The following SCAP variants were observed in gnomAD, a reference collection of about 807,000 sequenced individuals.
The protein encoded by SCAP is sterol regulatory element-binding protein cleavage-activating protein.
SCAP carries 65 observed loss-of-function variants against 123.6 expected under a neutral mutation model. The observed-to-expected ratio is 0.53, with a 90% CI of 0.43 to 0.65. The LOEUF (loss-of-function observed/expected upper bound fraction) is 0.65, where lower values mean the gene tolerates loss of function less well. Ranked by LOEUF, SCAP falls within the 30% of genes least tolerant of loss-of-function variation. The pLI is 0.00. For missense variants in SCAP, 1,398 were observed against 1,712.5 expected (o/e 0.82, Z 3.24); for synonymous variants, 740 against 726.3 (o/e 1.02, Z -0.30).
intron 1 of SCAP, among the ~76,000 whole-genome samples, chr3:47,464,254 G>C (rs1352898320): frequency 6.6e-6 from 1 of 152,056 alleles, no homozygotes; most frequent in Non-Finnish European, 1.5e-5. Flanking sequence ...GATCTCAGGT[G>C]ATCCGCCTGC....
Position 47,414,190 on chromosome 3 carries a change from G to A in SCAP, c.3584C>T (p.Ser1195Phe). The change falls in exon 22 of 23, where the codon TCC becomes TTC. Residue 1195 changes from serine to phenylalanine, a missense_variant. This residue lies in a region of SCAP where 130 missense variants were observed against 166.7 expected (regional missense o/e 0.78). Coordinates refer to ENST00000265565, the MANE Select transcript of SCAP (RefSeq NM_012235.4). ...WDRSTGIKFYSIQQDLGCGAS... is the reference protein window; with the variant it reads ...WDRSTGIKFYFIQQDLGCGAS... ...CCCCATCCCCTCTACCTGCTGAATG[G>A]AGTAGAACTTGATGCCTGTGCTGCG... 6.2e-7 allele frequency: 1 copy of A among 1,613,716 alleles called. No individual in the cohort carries two copies. Among genetic ancestry groups the A allele is most frequent in the Non-Finnish European group, 8.5e-7 (1 of 1,180,020 alleles).
chr3:47,465,168 CTT>C (rs796601479), intron 1 of SCAP, among the ~76,000 whole-genome samples: 1 of 145,848 alleles, frequency 6.9e-6, no homozygotes, highest in East Asian at 2.0e-4. Context: ...AGATGATATT[CTT>C]TTTTTTTTTT....
At chr3:47,429,150 C>T (rs1024516140) in intron 3 of SCAP, 3 of 158,264 alleles carry the variant, frequency 1.9e-5, no homozygotes, top group Non-Finnish European at 4.2e-5. Context: ...AAAGCCAGCA[C>T]AGGGAGACAG....
Position 47,423,927 on chromosome 3 carries a change from C to A in SCAP, c.1150+6G>T, listed in dbSNP as rs201879911. ...AGCCCTCTGCCCAACTCTCCCACTGCGTTACCTTGGGCGATCCGCAGCTTC... is the reference window on the plus strand; with the variant it reads ...AGCCCTCTGCCCAACTCTCCCACTGAGTTACCTTGGGCGATCCGCAGCTTC... On this transcript the variant is annotated splice_donor_region_variant and intron_variant, in intron 9 of 22. Coordinates refer to ENST00000265565, the MANE Select transcript of SCAP (RefSeq NM_012235.4). 4.4e-4 allele frequency: 715 copies of A among 1,607,388 alleles called. 2 individuals carry two copies. The Middle Eastern group carries it at 0.015, about 34-fold the overall frequency.
In SCAP at chr3:47,419,395, A is replaced by C. The variant is rs2107781083; in HGVS notation, c.1873T>G (p.Trp625Gly). 2 of 1,610,612 alleles carry C rather than the reference A, an allele frequency of 1.2e-6. No individual in the cohort carries two copies. Among genetic ancestry groups the C allele is most frequent in the Non-Finnish European group, 1.7e-6 (2 of 1,178,858 alleles). The change falls in exon 13 of 23, where the codon TGG becomes GGG. Residue 625 changes from tryptophan (W) to glycine (G), a missense_variant. Transcript: ENST00000265565. The surrounding 1 kb of genome is among the most constrained non-coding windows in gnomAD (Gnocchi z 5.0). ...CAGTGGCGGAAGGACAATTTCCTCCAAAGTTCCTCATCCTCAGGCCCCCAG... is the reference window on the plus strand; with the variant it reads ...CAGTGGCGGAAGGACAATTTCCTCCCAAGTTCCTCATCCTCAGGCCCCCAG... ...VTWGPEDEEL[W>G]RKLSFRHWPT...
intron 1 of SCAP, among the ~76,000 whole-genome samples, chr3:47,457,764 G>T (rs1281469820): frequency 6.6e-6 from 1 of 151,744 alleles, no homozygotes; most frequent in African/African-American, 2.4e-5. Flanking sequence ...AAAATTAGCT[G>T]GGCCTGGTGG....
chr3:47,425,197 T>A (rs1042044439), intron 8 of SCAP: 1 of 370,236 alleles, frequency 2.7e-6, no homozygotes, highest in Non-Finnish European at 4.9e-6. Flanking sequence ...TACATACTCA[T>A]GTATACACAA....
rs184024978 is a variant in SCAP, at chr3:47,464,584, A to G, written c.-99+11215T>C. On this transcript the variant is annotated intron_variant, in intron 1 of 22. Transcript: ENST00000265565. ...CTTTTTGATTAAAAAATACTCAATGAAATAGGAATAGAAGGCAATATCCTC... is the reference window on the plus strand; with the variant it reads ...CTTTTTGATTAAAAAATACTCAATGGAATAGGAATAGAAGGCAATATCCTC... 3.7e-4 allele frequency among the ~76,000 whole-genome samples: 56 copies of G among 152,328 alleles called. 2 individuals carry two copies. The highest frequency in any genetic ancestry group is 1.2e-3 in the African/African-American group (50 of 41,578).
rs1476904250 is a variant in SCAP at position 47,426,160 on chromosome 3, G to A, written c.747C>T (p.Gly249=). Residue 249 remains glycine (G), a synonymous_variant, in exon 7 of 23, where the codon GGC becomes GGT. Coordinates refer to ENST00000265565, the MANE Select transcript of SCAP (RefSeq NM_012235.4). ...GAAGCATCAGGCGGGCACGCAGGCT[G>A]CCCAGGAACCTGGTCAAGGAGCAGG... The part of the protein sequence containing the change: ...VFQHYHAKFL[G]SLRARLMLLH... 1 of 1,612,960 alleles carries A rather than the reference G, an allele frequency of 6.2e-7. No individual in the cohort carries two copies. Among genetic ancestry groups the A allele is most frequent in the South Asian group, 1.1e-5 (1 of 90,992 alleles).
At chr3:47,463,569 G>A (rs888702571) in intron 1 of SCAP, among the ~76,000 whole-genome samples, 8 of 152,094 alleles carry the variant, frequency 5.3e-5, no homozygotes, top group Non-Finnish European at 1.2e-4. Flanking sequence ...GGGTGTGGTA[G>A]TGCCTGTAAT....
chr3:47,421,559 A>G (rs1705901265), intron 10 of SCAP, among the ~76,000 whole-genome samples: 1 of 152,186 alleles, frequency 6.6e-6, no homozygotes, highest in African/African-American at 2.4e-5. Flanking sequence ...AGCAGACAAA[A>G]TTTTCTGAGA....
In SCAP at chr3:47,425,593, T is replaced by C. The variant is rs1261676038; in HGVS notation, c.929A>G (p.Lys310Arg). 3.7e-6 allele frequency: 6 copies of C among 1,614,104 alleles called. No individual in the cohort carries two copies. Among genetic ancestry groups the C allele is most frequent in the Non-Finnish European group, 5.1e-6 (6 of 1,180,050 alleles). ...AGCCAGGGCCAGCCCCCACTTGGAC[T>C]TGACCATGTCGATCTTCCCTGGAGG... ...YFSTRKIDMV[K>R]SKWGLALAAV... Residue 310 changes from lysine to arginine, a missense_variant, in exon 8 of 23, where the codon AAG (lysine) becomes AGG (arginine). Lys to Arg is a conservative substitution (Grantham distance 26). Coordinates refer to ENST00000265565, the MANE Select transcript of SCAP (RefSeq NM_012235.4).
chr3:47,470,958 T>TCC (rs1171349995), intron 1 of SCAP, among the ~76,000 whole-genome samples: 1 of 151,696 alleles, frequency 6.6e-6, no homozygotes, highest in African/African-American at 2.4e-5. Context: ...AATAAACTTC[T>TCC]CCCCCCAAAA....
At chr3:47,452,133 ACT>A (rs1707249537) in intron 1 of SCAP, among the ~76,000 whole-genome samples, 1 of 151,918 alleles carries the variant, frequency 6.6e-6, no homozygotes, top group East Asian at 1.9e-4. Flanking sequence ...TGCATTTAAA[ACT>A]CTGTAATTGT....
intron 18 of SCAP, 28 bp from the exon 19 acceptor site, chr3:47,415,208 C>CCT: frequency 1.9e-6 from 3 of 1,589,220 alleles, no homozygotes; most frequent in Non-Finnish European, 1.7e-6. Context: ...CTGCCAGGGG[C>CCT]CTCTCCCTTA....
chr3:47,425,870 G>C (rs1706105247), intron 7 of SCAP, 127 bp downstream of exon 7: 2 of 1,117,928 alleles, frequency 1.8e-6, no homozygotes, highest in Admixed American at 4.6e-5. Flanking sequence ...CAAAGCCCTA[G>C]CTCTGATGAC....
intron 1 of SCAP, among the ~76,000 whole-genome samples, chr3:47,463,744 G>A (rs1257373139): frequency 6.6e-6 from 1 of 152,082 alleles, no homozygotes; most frequent in Non-Finnish European, 1.5e-5. Context: ...GAAAACAGGG[G>A]CTTAGCCTTG....
In SCAP at chr3:47,420,525, GGGCAGGGCAGGGCA is replaced by G. The variant is rs1365326155; in HGVS notation, c.1563+15_1563+28del. Reference sequence around the variant, plus strand: ...CCTGGAGCACCGGCCCTCCAGAAGAGGGCAGGGCAGGGCAGGGGTGGCAGGTACCATGATGAGGC... The same window carrying G: ...CCTGGAGCACCGGCCCTCCAGAAGAGGGGGTGGCAGGTACCATGATGAGGC... On this transcript the variant is annotated intron_variant, in intron 12 of 22. Transcript: ENST00000265565. The surrounding 1 kb of genome is among the most constrained non-coding windows in gnomAD (Gnocchi z 5.0). 6.4e-7 allele frequency: 1 copy of G among 1,552,132 alleles called. No homozygotes were observed. Among genetic ancestry groups the G allele is most frequent in the Non-Finnish European group, 8.7e-7 (1 of 1,146,202 alleles).
intron 20 of SCAP, 63 bp downstream of exon 20, chr3:47,414,761 CGAA>C: frequency 6.2e-7 from 1 of 1,600,828 alleles, no homozygotes; most frequent in Non-Finnish European, 8.5e-7. Flanking sequence ...CTCTCCCTGA[CGAA>C]TGCATCAGGC....
Sources: allele counts gnomAD v4.1 joint callset (sites outside exome capture counted in the v4.1 genomes callset), GRCh38; gene constraint gnomAD v4.1.1; regional missense constraint gnomAD v4.1.1; non-coding constraint Gnocchi (gnomAD v3.1); transcripts MANE v1.5; gene names NCBI Gene and HGNC (gene_info 2026-07-23, HGNC 2026-07-21).